CDK19: variants seen among roughly 807,000 people sequenced by gnomAD.
The protein encoded by CDK19 is cyclin-dependent kinase 19.
In CDK19, 20 loss-of-function variants were observed where a neutral mutation model predicts 68.3. That is an observed-to-expected ratio of 0.29 (90% CI 0.21 to 0.43). CDK19 has a LOEUF of 0.43. CDK19 is among the 20% of genes least tolerant of loss of function. The pLI, the probability that CDK19 is intolerant of heterozygous loss-of-function variation, is 1.00. For synonymous variants in CDK19, 221 were observed against 222.8 expected (o/e 0.99, Z 0.07); for missense variants, 339 against 623.5 (o/e 0.54, Z 4.86).
intron 4 of CDK19, among the ~76,000 whole-genome samples, chr6:110,659,283 A>G (rs956599240): frequency 6.6e-6 from 1 of 152,232 alleles, no homozygotes; most frequent in Non-Finnish European, 1.5e-5. Flanking sequence ...TTTTAATCAA[A>G]TGTTCAGAAA....
chr6:110,745,593 A>C (rs1051834906), intron 2 of CDK19, among the ~76,000 whole-genome samples: 21 of 152,232 alleles, frequency 1.4e-4, no homozygotes, highest in African/African-American at 5.1e-4. Flanking sequence ...TAATAAATTA[A>C]ATCATTTTGT....
intron 2 of CDK19, among the ~76,000 whole-genome samples, chr6:110,681,175 G>A (rs1364493361): frequency 6.6e-6 from 1 of 151,878 alleles, no homozygotes; most frequent in African/African-American, 2.4e-5. Flanking sequence ...ATGAAACCCC[G>A]TCTCTACTAA....
chr6:110,673,531 T>C (rs1314147035), intron 2 of CDK19, among the ~76,000 whole-genome samples: 1 of 151,896 alleles, frequency 6.6e-6, no homozygotes, highest in Non-Finnish European at 1.5e-5. Flanking sequence ...ATATAGGTCA[T>C]TTTTGTAAAA....
Position 110,667,420 on chromosome 6 carries a change from A to T in CDK19, c.456+14T>A, listed in dbSNP as rs751858544. ...GGAAAAACATATTGATGAATTTAAA[A>T]GAAAAATACTTACCAAGTCTCTGTG... is the stretch of plus-strand genomic sequence containing the variant. On this transcript the variant is annotated intron_variant, in intron 4 of 12. Coordinates refer to ENST00000368911, the MANE Select transcript of CDK19 (RefSeq NM_015076.5). The T allele has an allele frequency of 6.6e-7, 1 of 1,523,178 alleles. No homozygotes were observed. The highest frequency in any genetic ancestry group is 8.9e-7 in the Non-Finnish European group (1 of 1,125,826). The allele number at this position is 1,523,178 out of a possible 1,614,324, so 94.4% of individuals were successfully genotyped here.
Position 110,776,705 on chromosome 6 carries a change from G to C in CDK19, c.129-30504C>G, listed in dbSNP as rs1025220970. Among the ~76,000 whole-genome samples, 3 of 152,314 alleles carry C rather than the reference G, an allele frequency of 2.0e-5. No homozygotes were observed. The South Asian group carries it at 6.2e-4, about 32-fold the overall frequency. On this transcript the variant is annotated intron_variant, in intron 1 of 12. Transcript: ENST00000368911. ...TGCACCCTCCTCTAAAGCAGTGCTT[G>C]TGACATTCTAAGTTAAGTGCATTTG...
intron 2 of CDK19, among the ~76,000 whole-genome samples, chr6:110,671,838 C>T (rs763299998): frequency 6.6e-5 from 10 of 152,052 alleles, no homozygotes; most frequent in Non-Finnish European, 1.5e-4. Context: ...AATGCAATGG[C>T]ACAATCTCAG....
At position 110,723,138 on chromosome 6, in the gene CDK19, AAAAAACAAAAAAC is replaced by A. The variant is rs772020939; in HGVS notation, c.204+22975_204+22987del. The stretch of plus-strand genomic sequence containing the variant: ...TGCTCAGCTTTCAAGGCTTTGTCAA[AAAAAACAAAAAAC>A]AAAAAAAAAAACGCAGATTTGTCCT... On this transcript the variant is annotated intron_variant, in intron 2 of 12. Coordinates refer to ENST00000368911, the MANE Select transcript of CDK19 (RefSeq NM_015076.5). Among the ~76,000 whole-genome samples, 69 of 96,892 alleles carry A rather than the reference AAAAAACAAAAAAC, an allele frequency of 7.1e-4. 2 individuals carry two copies. The highest frequency in any genetic ancestry group is 2.1e-3 in the South Asian group (8 of 3,800). The allele number at this position is 96,892 out of a possible 152,430, so 63.6% of individuals were successfully genotyped here. A position where few individuals can be genotyped will look rare whatever the true frequency, so the allele number is the denominator to read the frequency against.
In CDK19 at chr6:110,717,719, C is replaced by G. The variant is rs1775516213; in HGVS notation, c.204+28407G>C. On this transcript the variant is annotated intron_variant, in intron 2 of 12. Transcript: ENST00000368911. ...TTGTTTTTTTGTTTTGTTTTGTTTT[C>G]AGGTGGAGTTTTGCTCTTGTTGCCC... is the stretch of plus-strand genomic sequence containing the variant. Among the ~76,000 whole-genome samples the G allele has an allele frequency of 2.6e-5, 4 of 151,958 alleles. 1 individual carries two copies. In the South Asian group the frequency reaches 8.3e-4, roughly 32 times the overall value.
chr6:110,689,813 T>C (rs1413767404), intron 2 of CDK19, among the ~76,000 whole-genome samples: 1 of 152,048 alleles, frequency 6.6e-6, no homozygotes, highest in Non-Finnish European at 1.5e-5. Context: ...CAGCCTGGAG[T>C]GTGGCAGCCC....
intron 1 of CDK19, among the ~76,000 whole-genome samples, chr6:110,749,405 C>A (rs1030648299): frequency 1.7e-5 from 2 of 119,972 alleles, no homozygotes; most frequent in Admixed American, 1.5e-4. Flanking sequence ...ACAAATGTGT[C>A]CCCCAAGTAC....
chr6:110,734,520 G>GCCCTCTCTCTCTCTCTCTCTCTCT (rs1554214772), intron 2 of CDK19, among the ~76,000 whole-genome samples: 1 of 85,734 alleles, frequency 1.2e-5, no homozygotes, highest in Non-Finnish European at 2.3e-5. Flanking sequence ...GGTGAGCACT[G>GCCCTCTCTCTCTCTCTCTCTCTCT]CTCTCTCTCT....
At chr6:110,710,774 T>C (rs1774879849) in intron 2 of CDK19, among the ~76,000 whole-genome samples, 1 of 152,182 alleles carries the variant, frequency 6.6e-6, no homozygotes, top group African/African-American at 2.4e-5. Flanking sequence ...CCTCCTAATA[T>C]CATCATCTTG....
chr6:110,698,448 C>T (rs1773681550), intron 2 of CDK19, among the ~76,000 whole-genome samples: 1 of 151,760 alleles, frequency 6.6e-6, no homozygotes, highest in Non-Finnish European at 1.5e-5. Context: ...AAATGAAGAC[C>T]ACAATGAGAT....
At chr6:110,713,275 G>A (rs560963999) in intron 2 of CDK19, among the ~76,000 whole-genome samples, 3 of 151,586 alleles carry the variant, frequency 2.0e-5, no homozygotes, top group Admixed American at 6.6e-5. Context: ...TTATCCTAGG[G>A]TTGTTTGTAA....
intron 1 of CDK19, among the ~76,000 whole-genome samples, chr6:110,754,062 C>T (rs1023252801): frequency 6.8e-6 from 1 of 147,046 alleles, no homozygotes; most frequent in Non-Finnish European, 1.5e-5. Context: ...CAGGGTCTTG[C>T]TCTGTCACCC....
At chr6:110,814,392 C>T (rs1783395213) in intron 1 of CDK19, among the ~76,000 whole-genome samples, 1 of 152,254 alleles carries the variant, frequency 6.6e-6, no homozygotes, top group South Asian at 2.1e-4. Flanking sequence ...AATGAGAAAC[C>T]CGGGACGCCG....
chr6:110,695,243 C>T (rs1399190848), intron 2 of CDK19, among the ~76,000 whole-genome samples: 2 of 152,176 alleles, frequency 1.3e-5, no homozygotes, highest in Non-Finnish European at 2.9e-5. Flanking sequence ...AAATAATCTG[C>T]TCCTGAATGA....
At chr6:110,810,682 G>A (rs1262963439) in intron 1 of CDK19, among the ~76,000 whole-genome samples, 1 of 151,842 alleles carries the variant, frequency 6.6e-6, no homozygotes, top group Non-Finnish European at 1.5e-5. Flanking sequence ...GCTGAGGCAG[G>A]ACAATCGCTG....
At chr6:110,717,614 T>C (rs1414830683) in intron 2 of CDK19, among the ~76,000 whole-genome samples, 3 of 152,326 alleles carry the variant, frequency 2.0e-5, no homozygotes, top group Non-Finnish European at 4.4e-5. Context: ...TCCTGGTTAC[T>C]ATGGTTTTAT....
Sources: gnomAD v4.1 joint callset for allele counts (sites outside exome capture counted in the v4.1 genomes callset) on GRCh38, gnomAD v4.1.1 for gene constraint, MANE v1.5 for transcripts, NCBI Gene and HGNC (gene_info 2026-07-23, HGNC 2026-07-21) for gene names.